Variants in BCOR observed in about 807,000 individuals in gnomAD.
BCOR encodes BCL6 corepressor.
A neutral mutation model predicts 86.7 loss-of-function variants in BCOR; 10 were observed. The observed-to-expected ratio is 0.12, with a 90% confidence interval of 0.07 to 0.20. BCOR has a LOEUF of 0.20. BCOR is among the 10% of genes least tolerant of loss of function. BCOR has a pLI of 1.00. For missense variants in BCOR, 1,259 were observed against 1,452.1 expected, an observed-to-expected ratio of 0.87 and a Z score of 2.16; for synonymous variants, 611 against 609.0, an observed-to-expected ratio of 1.00 and a Z score of -0.05.
chrX:40,161,391 G>T (rs1486600622), intron 1 of BCOR, among the ~76,000 whole-genome samples: 1 of 109,079 alleles, frequency 9.2e-6, no homozygotes, highest in African/African-American at 3.3e-5. Context: ...GTAGAGAAGG[G>T]GTTTCACCAC....
intron 12 of BCOR, among the ~76,000 whole-genome samples, chrX:40,054,848 CCAA>C (rs1156513597): frequency 8.9e-6 from 1 of 112,411 alleles, no homozygotes; most frequent in African/African-American, 3.2e-5. Flanking sequence ...GCTGCTTCTT[CCAA>C]CAAGTGAGTG....
At chrX:40,154,098 T>C (rs916245334) in intron 1 of BCOR, among the ~76,000 whole-genome samples, 1 of 110,696 alleles carries the variant, frequency 9.0e-6, no homozygotes, top group Non-Finnish European at 1.9e-5. Context: ...GAGCGTTCGC[T>C]GGCTGCTCTG....
chrX:40,074,036 G>A lies in BCOR; in HGVS notation c.1310C>T (p.Thr437Ile). 2.5e-6 allele frequency: 3 copies of A among 1,212,119 alleles called. No individual in the cohort carries two copies. The highest frequency in any genetic ancestry group is 3.3e-6 in the Non-Finnish European group (3 of 895,614). The part of the protein sequence containing the change: ...LEKQTVTKDV[T>I]DKPLDLSSKV... ...AGAAGACAAGTCTAGTGGCTTATCT[G>A]TGACGTCTTTGGTAACGGTCTGCTT... The change falls in exon 4 of 15, where the codon ACA (threonine) becomes ATA (isoleucine). Residue 437 changes from threonine (T) to isoleucine (I), a missense_variant. Around this residue, in one of 7 missense-constraint regions of BCOR, gnomAD observed 534 missense variants for 594.8 expected, o/e 0.90. Transcript: ENST00000378444.
At chrX:40,146,214 G>A (rs1472814958) in intron 1 of BCOR, among the ~76,000 whole-genome samples, 5 of 111,901 alleles carry the variant, frequency 4.5e-5, no homozygotes, top group Non-Finnish European at 9.4e-5. Flanking sequence ...GGGCGCGGAG[G>A]CGGGGCGCGG....
chrX:40,075,160 A>G lies in BCOR; in HGVS notation c.186T>C (p.His62=), dbSNP rs1417757785. 6.6e-6 allele frequency: 8 copies of G among 1,209,069 alleles called. No individual in the cohort carries two copies. The highest frequency in any genetic ancestry group is 8.9e-6 in the Non-Finnish European group (8 of 894,568). Residue 62 remains histidine (H), a synonymous_variant, in exon 4 of 15, where the codon CAT becomes CAC. Coordinates refer to ENST00000378444, the MANE Select transcript of BCOR (RefSeq NM_001123385.2). Reference sequence around the variant, plus strand: ...TCAGTGCTGCCAGGCCATCGATCCTATGGGCCGTGCTCGCATCCACCTTTG... The same window carrying G: ...TCAGTGCTGCCAGGCCATCGATCCTGTGGGCCGTGCTCGCATCCACCTTTG... ...NHNVVDASTA[H]RIDGLAALSM... is the part of the protein sequence containing the mutation.
intron 10 of BCOR, among the ~76,000 whole-genome samples, chrX:40,060,806 A>C (rs766840668): frequency 1.3e-3 from 144 of 113,056 alleles, no homozygotes; most frequent in Middle Eastern, 4.2e-3. Flanking sequence ...AGAGATATCG[A>C]TAAGAAACAA....
At chrX:40,110,654 TTTTTTCC>T (rs1937286159) in intron 1 of BCOR, among the ~76,000 whole-genome samples, 1 of 89,716 alleles carries the variant, frequency 1.1e-5, no homozygotes, top group Non-Finnish European at 2.2e-5. Flanking sequence ...CTTTTTTTTC[TTTTTTCC>T]TTTTTCTTTT....
Position 40,074,491 on chromosome X carries a change from T to G in BCOR, c.855A>C (p.Lys285Asn). The change falls in exon 4 of 15, where the codon AAA (lysine) becomes AAC (asparagine). Residue 285 changes from lysine to asparagine, a missense_variant. Transcript: ENST00000378444. ...TGACGCCCATCTTCCACGGGAGGCT[T>G]TTGTCTGCGCAATGGACGAGAGGCG... Reference protein sequence around the residue: ...AIPPLVHCADKSLPWKMGVSP... With the variant: ...AIPPLVHCADNSLPWKMGVSP... 1 of 1,205,976 alleles carries G rather than the reference T, an allele frequency of 8.3e-7. No homozygotes were observed. The highest frequency in any genetic ancestry group is 1.1e-6 in the Non-Finnish European group (1 of 892,405).
In BCOR at chrX:40,074,451, C is replaced by G. The variant is rs773612869; in HGVS notation, c.895G>C (p.Val299Leu). The G allele has an allele frequency of 8.3e-7, 1 of 1,205,818 alleles. No homozygotes were observed. Among genetic ancestry groups the G allele is most frequent in the Non-Finnish European group, 1.1e-6 (1 of 892,146 alleles). Residue 299 changes from valine (V) to leucine (L), a missense_variant, in exon 4 of 15, where the codon GTT becomes CTT. Val to Leu is a conservative substitution (Grantham distance 32). This residue lies in a region of BCOR where 534 missense variants were observed against 594.8 expected (regional missense o/e 0.90). Coordinates refer to ENST00000378444, the MANE Select transcript of BCOR (RefSeq NM_001123385.2). Reference sequence around the variant, plus strand: ...ATGTGAGGATAGGCGTGGGAATCAACAGGATTCCCAGGGCTGACGCCCATC... The same window carrying G: ...ATGTGAGGATAGGCGTGGGAATCAAGAGGATTCCCAGGGCTGACGCCCATC... ...WKMGVSPGNP[V>L]DSHAYPHIQN...
At chrX:40,143,331 C>T (rs780350704) in intron 1 of BCOR, among the ~76,000 whole-genome samples, 2 of 112,152 alleles carry the variant, frequency 1.8e-5, no homozygotes, top group South Asian at 3.7e-4. Flanking sequence ...CTAGCCCACA[C>T]GAGTTGAAAT....
At chrX:40,170,785 G>A (rs903512176) in intron 1 of BCOR, among the ~76,000 whole-genome samples, 2 of 112,427 alleles carry the variant, frequency 1.8e-5, no homozygotes, top group Non-Finnish European at 3.8e-5. Context: ...TGTAAAAGGA[G>A]GTTCAAAATA....
chrX:40,073,750 C>T lies in BCOR; in HGVS notation c.1596G>A (p.Leu532=). Residue 532 remains leucine (L), a synonymous_variant, in exon 4 of 15, where the codon TTG becomes TTA. Transcript: ENST00000378444. ...TCCGCTGCTGTGGTATCGCCCAGTC[C>T]AATGCCTTGTTTTTCAGCGACATGC... ...GKSMSLKNKA[L]DWAIPQQRSS... is the part of the protein sequence containing the mutation. The T allele has an allele frequency of 1.6e-6, 2 of 1,212,702 alleles. No homozygotes were observed. Among genetic ancestry groups the T allele is most frequent in the Admixed American group, 2.2e-5 (1 of 46,195 alleles).
intron 1 of BCOR, among the ~76,000 whole-genome samples, chrX:40,138,802 G>A (rs1056475120): frequency 9.0e-6 from 1 of 110,904 alleles, no homozygotes; most frequent in Non-Finnish European, 1.9e-5. Context: ...TGATCTGCTC[G>A]CCTTGGCCTC....
intron 11 of BCOR, 48 bp downstream of exon 11, chrX:40,057,106 GA>G (rs1343940248): frequency 8.4e-7 from 1 of 1,190,225 alleles, no homozygotes; most frequent in Admixed American, 2.2e-5. Context: ...CACAGATAGG[GA>G]AGCTTGGTCT....
At chrX:40,113,808 T>C (rs747584500) in intron 1 of BCOR, among the ~76,000 whole-genome samples, 1 of 101,073 alleles carries the variant, frequency 9.9e-6, no homozygotes, top group Non-Finnish European at 1.9e-5. Context: ...CTAATACTTT[T>C]TTTTTCTTTC....
intron 1 of BCOR, among the ~76,000 whole-genome samples, chrX:40,121,223 C>G (rs1440036016): frequency 8.9e-6 from 1 of 112,080 alleles, no homozygotes; most frequent in Non-Finnish European, 1.9e-5. Context: ...CAGACCTTGG[C>G]TCTGGGCTTC....
chrX:40,107,780 C>T (rs1937220391), intron 1 of BCOR, among the ~76,000 whole-genome samples: 1 of 113,389 alleles, frequency 8.8e-6, no homozygotes. Context: ...TCTCACAGCC[C>T]CCTGGCTGGG....
At position 40,072,531 on chromosome X, in the gene BCOR, A is replaced by G. The variant is rs2147202440; in HGVS notation, c.2815T>C (p.Tyr939His). ...GCCTCATCAGCTCCATCTTTGGTAT[A>G]GGTGGGGGTCACATCCACACTTGGT... is the stretch of plus-strand genomic sequence containing the variant. ...APPSVDVTPT[Y>H]TKDGADEAES... is the part of the protein sequence containing the mutation. Residue 939 changes from tyrosine (Y) to histidine (H), a missense_variant, in exon 4 of 15, where the codon TAT (tyrosine) becomes CAT (histidine). Physicochemically the swap from Tyr to His is moderately conservative, Grantham distance 83. This residue lies in a region of BCOR where 534 missense variants were observed against 594.8 expected (regional missense o/e 0.90). Coordinates refer to ENST00000378444, the MANE Select transcript of BCOR (RefSeq NM_001123385.2). 1 of 1,211,973 alleles carries G rather than the reference A, an allele frequency of 8.3e-7. No homozygotes were observed. The highest frequency in any genetic ancestry group is 3.0e-5 in the East Asian group (1 of 33,860).
chrX:40,072,109 G>A (rs762618834), intron 4 of BCOR: 9 of 430,914 alleles, frequency 2.1e-5, no homozygotes, highest in South Asian at 3.5e-5. Context: ...TTAAAACATC[G>A]GTTATCAGCA....
Sources: gnomAD v4.1 joint callset for allele counts (sites outside exome capture counted in the v4.1 genomes callset) on GRCh38, gnomAD v4.1.1 for gene constraint, gnomAD v4.1.1 regional missense constraint, MANE v1.5 for transcripts, NCBI Gene and HGNC (gene_info 2026-07-23, HGNC 2026-07-21) for gene names.